The following ZMAT2 variants were observed in gnomAD, a reference collection of about 807,000 sequenced individuals.
ZMAT2 encodes zinc finger matrin-type 2, also known as zinc finger matrin-type protein 2.
Under a neutral mutation model 27.5 loss-of-function variants are expected in ZMAT2, and 5 were observed. The observed-to-expected ratio is 0.18, with a 90% confidence interval of 0.10 to 0.38. The LOEUF (loss-of-function observed/expected upper bound fraction) is 0.38, where lower values mean the gene tolerates loss of function less well. Ranked by LOEUF, ZMAT2 falls within the 10% of genes least tolerant of loss-of-function variation. ZMAT2 has a pLI of 1.00. For synonymous variants in ZMAT2, 76 were observed against 78.6 expected, an observed-to-expected ratio of 0.97 and a Z score of 0.17; for missense variants, 124 against 243.9, an observed-to-expected ratio of 0.51 and a Z score of 3.27.
Position 140,700,873 on chromosome 5 carries a change from G to T in ZMAT2, c.73G>T (p.Ala25Ser). The part of the protein sequence containing the change: ...KWDKDEYEKL[A>S]EKRLTEEREK... ...GGACAAAGATGAATATGAGAAACTC[G>T]CCGAGAAGAGGCTCACGGAAGAGAG... The change falls in exon 2 of 6, where the codon GCC becomes TCC. Residue 25 changes from alanine to serine, a missense_variant. By Grantham distance (99) the Ala-to-Ser change is moderately conservative. Transcript: ENST00000274712. The T allele has an allele frequency of 6.2e-7, 1 of 1,614,096 alleles. No homozygotes were observed. The highest frequency in any genetic ancestry group is 8.5e-7 in the Non-Finnish European group (1 of 1,179,994).
chr5:140,704,667 C>G, intron 5 of ZMAT2, 96 bp downstream of exon 5: 1 of 1,345,834 alleles, frequency 7.4e-7, no homozygotes, highest in Non-Finnish European at 1.0e-6. Context: ...ACTCCCACCC[C>G]CAGAGTTGTA....
In ZMAT2 at chr5:140,705,825, G is replaced by C; in HGVS notation, c.*69G>C. On this transcript the variant is annotated 3_prime_UTR_variant, in exon 6 of 6. Transcript: ENST00000274712. ...CTTTGCGTGTGTGTGTGTGTAGTAG[G>C]GGGTCATTTCTTTTTGGGTAATGGG... 1 of 1,558,358 alleles carries C rather than the reference G, an allele frequency of 6.4e-7. No individual in the cohort carries two copies. Among genetic ancestry groups the C allele is most frequent in the Non-Finnish European group, 8.7e-7 (1 of 1,151,786 alleles).
intron 3 of ZMAT2, among the ~76,000 whole-genome samples, chr5:140,703,310 C>CGGCTCACCACA (rs1759998676): frequency 6.7e-6 from 1 of 149,266 alleles, no homozygotes. Flanking sequence ...GGTATGATCT[C>CGGCTCACCACA]GGCTCACCAC....
At chr5:140,701,611 T>A (rs865869628) in intron 2 of ZMAT2, among the ~76,000 whole-genome samples, 2 of 152,230 alleles carry the variant, frequency 1.3e-5, no homozygotes, top group African/African-American at 4.8e-5. Flanking sequence ...GGTCCCCTTT[T>A]ATAAATTTGC....
At chr5:140,702,163 G>T in intron 3 of ZMAT2, 34 bp downstream of exon 3, 2 of 1,604,880 alleles carry the variant, frequency 1.2e-6, no homozygotes, top group South Asian at 2.2e-5. Flanking sequence ...CTGCAGCCAA[G>T]AATGCATCTA....
At chr5:140,702,260 A>G (rs1310215747) in intron 3 of ZMAT2, 131 bp downstream of exon 3, 1 of 1,228,292 alleles carries the variant, frequency 8.1e-7, no homozygotes, top group Non-Finnish European at 1.1e-6. Flanking sequence ...TTCTATCTTT[A>G]TATTTGTTTT....
At chr5:140,703,408 ATT>A (rs957805395) in intron 3 of ZMAT2, among the ~76,000 whole-genome samples, 24 of 150,814 alleles carry the variant, frequency 1.6e-4, no homozygotes, top group Non-Finnish European at 3.1e-4. Flanking sequence ...ATTTTTTTGT[ATT>A]TTTAGTAGAG....
intron 4 of ZMAT2, 85 bp from the exon 5 acceptor site, chr5:140,704,341 G>C (rs776643216): frequency 5.6e-5 from 84 of 1,498,722 alleles, no homozygotes; most frequent in Non-Finnish European, 7.2e-5. Flanking sequence ...TGTTTTATGA[G>C]ATGTCAGAGA....
chr5:140,703,468 A>G (rs1760000789), intron 3 of ZMAT2, among the ~76,000 whole-genome samples: 1 of 152,042 alleles, frequency 6.6e-6, no homozygotes. Context: ...TCCCGACCTC[A>G]GGTGATCCGC....
chr5:140,702,185 A>G, intron 3 of ZMAT2, 56 bp downstream of exon 3: 3 of 1,595,920 alleles, frequency 1.9e-6, no homozygotes, highest in Middle Eastern at 1.7e-4. Context: ...TAAGCCACCT[A>G]TTTTGGTTTT....
intron 3 of ZMAT2, 139 bp from the exon 4 acceptor site, chr5:140,703,779 C>T: frequency 1.4e-6 from 1 of 740,270 alleles, no homozygotes; most frequent in Non-Finnish European, 2.3e-6. Context: ...CTGCTATACT[C>T]TCTCGAAAGC....
In ZMAT2 at chr5:140,706,031, C is replaced by G. The variant is rs1217719178; in HGVS notation, c.*275C>G. 3 of 357,428 alleles carry G rather than the reference C, an allele frequency of 8.4e-6. No homozygotes were observed. The highest frequency in any genetic ancestry group is 1.5e-5 in the Non-Finnish European group (3 of 199,476). The allele number at this position is 357,428 out of a possible 1,614,324, so 22.1% of individuals were successfully genotyped here. A position where few individuals can be genotyped will look rare whatever the true frequency, so the allele number is the denominator to read the frequency against. On this transcript the variant is annotated 3_prime_UTR_variant, in exon 6 of 6. Coordinates refer to ENST00000274712, the MANE Select transcript of ZMAT2 (RefSeq NM_144723.3). ...TCCCAATAAAGAAAAACCTCCCCTT[C>G]TGAGGCTGCTTTCCCAAAACTCCCC...
chr5:140,705,881 T>C lies in ZMAT2; in HGVS notation c.*125T>C. The C allele has an allele frequency of 7.7e-7, 1 of 1,296,898 alleles. No individual in the cohort carries two copies. The highest frequency in any genetic ancestry group is 1.1e-6 in the Non-Finnish European group (1 of 951,676). 80.3% of individuals were successfully genotyped at this position (1,296,898 alleles called of 1,614,324 possible). ...TCTTAAGAGTGTCAATGGGGAGGGA[T>C]AGAGGGTGGGGGCTCATGGTTTCCC... On this transcript the variant is annotated 3_prime_UTR_variant, in exon 6 of 6. Coordinates refer to ENST00000274712, the MANE Select transcript of ZMAT2 (RefSeq NM_144723.3).
chr5:140,701,316 T>C (rs1296627588), intron 2 of ZMAT2, among the ~76,000 whole-genome samples: 1 of 152,122 alleles, frequency 6.6e-6, no homozygotes, highest in Non-Finnish European at 1.5e-5. Flanking sequence ...ATCAAGACCC[T>C]CCCATATAGT....
At chr5:140,703,464 C>G (rs113469518) in intron 3 of ZMAT2, among the ~76,000 whole-genome samples, 3,216 of 152,094 alleles carry the variant, frequency 0.021, 112 homozygotes, top group African/African-American at 0.074. Context: ...GAACTCCCGA[C>G]CTCAGGTGAT....
intron 3 of ZMAT2, among the ~76,000 whole-genome samples, chr5:140,702,467 CTCAA>C (rs1759978975): frequency 6.6e-6 from 1 of 152,114 alleles, no homozygotes; most frequent in African/African-American, 2.4e-5. Flanking sequence ...GAGACCCTGT[CTCAA>C]TTAAAAAAAC....
chr5:140,705,818 G>C lies in ZMAT2; in HGVS notation c.*62G>C, dbSNP rs11542986. On this transcript the variant is annotated 3_prime_UTR_variant, in exon 6 of 6. Coordinates refer to ENST00000274712, the MANE Select transcript of ZMAT2 (RefSeq NM_144723.3). ...GACCTAACTTTGCGTGTGTGTGTGT[G>C]TAGTAGGGGGTCATTTCTTTTTGGG... 5.8e-5 allele frequency: 90 copies of C among 1,554,858 alleles called. No homozygotes were observed. The highest frequency in any genetic ancestry group is 7.6e-5 in the Non-Finnish European group (87 of 1,146,730).
rs370005937 is a variant in ZMAT2 at position 140,701,209 on chromosome 5, G to A, written c.112+297G>A. Among the ~76,000 whole-genome samples, 12 of 152,288 alleles carry A rather than the reference G, an allele frequency of 7.9e-5. No homozygotes were observed. The East Asian group carries it at 1.9e-3, about 25-fold the overall frequency. On this transcript the variant is annotated intron_variant, in intron 2 of 5. Transcript: ENST00000274712. ...TAACGGCATCCTTAGTAGTGACAGA[G>A]AAGTTAAGTAGAGTATTTTGCTGCT...
chr5:140,700,738 C>T (rs1759944315), intron 1 of ZMAT2, 81 bp from the exon 2 acceptor site: 1 of 1,508,936 alleles, frequency 6.6e-7, no homozygotes, highest in Non-Finnish European at 9.1e-7. Context: ...CTGTAGACAC[C>T]TGGACCGCGA....
Sources: gnomAD v4.1 joint callset for allele counts (sites outside exome capture counted in the v4.1 genomes callset) on GRCh38, gnomAD v4.1.1 for gene constraint, MANE v1.5 for transcripts, NCBI Gene and HGNC (gene_info 2026-07-23, HGNC 2026-07-21) for gene names.